The following CEMIP variants were observed in gnomAD, a reference collection of about 807,000 sequenced individuals.
CEMIP encodes the protein cell migration-inducing and hyaluronan-binding protein.
CEMIP carries 105 observed loss-of-function variants against 156.9 expected under a neutral mutation model. That is an observed-to-expected ratio of 0.67 (90% confidence interval 0.57 to 0.79). CEMIP has a LOEUF of 0.79. Ranked by LOEUF, CEMIP falls within the 30% of genes least tolerant of loss-of-function variation. The pLI is 0.00. For synonymous variants in CEMIP, 676 were observed against 668.4 expected, an observed-to-expected ratio of 1.01 and a Z score of -0.17; for missense variants, 1,457 against 1,769.4, an observed-to-expected ratio of 0.82 and a Z score of 3.17.
At chr15:80,878,947 C>G in intron 4 of CEMIP, 80 bp downstream of exon 4, 13 of 1,533,178 alleles carry the variant, frequency 8.5e-6, no homozygotes, top group Non-Finnish European at 1.2e-5. Context: ...TTGCCATGAG[C>G]TCAGATGGAC....
At chr15:80,888,970 C>T (rs1348036047) in intron 9 of CEMIP, among the ~76,000 whole-genome samples, 174 bp downstream of exon 9, 1 of 152,206 alleles carries the variant, frequency 6.6e-6, no homozygotes, top group Non-Finnish European at 1.5e-5. Flanking sequence ...GCCACTTTAG[C>T]CCATAGCCCA....
At chr15:80,836,917 T>C (rs1012540440) in intron 1 of CEMIP, among the ~76,000 whole-genome samples, 5 of 152,210 alleles carry the variant, frequency 3.3e-5, no homozygotes, top group African/African-American at 4.8e-5. Context: ...TCCTAGAAGA[T>C]GTCCTGAGCC....
chr15:80,814,440 T>G (rs1896744912), intron 1 of CEMIP, among the ~76,000 whole-genome samples: 1 of 152,190 alleles, frequency 6.6e-6, no homozygotes, highest in African/African-American at 2.4e-5. Flanking sequence ...CTGCTCCAGC[T>G]AGGGCAGCAC....
intron 1 of CEMIP, among the ~76,000 whole-genome samples, chr15:80,784,376 G>A (rs1035898095): frequency 3.9e-5 from 6 of 152,156 alleles, no homozygotes; most frequent in African/African-American, 1.4e-4. Context: ...GGAGGAGGGA[G>A]GGCCACAGGC....
intron 5 of CEMIP, 110 bp downstream of exon 5, chr15:80,879,964 T>G (rs1898593730): frequency 2.4e-6 from 3 of 1,246,242 alleles, no homozygotes; most frequent in Non-Finnish European, 3.5e-6. Context: ...AAGATAGGAA[T>G]CATTCTGTCC....
chr15:80,895,119 C>T lies in CEMIP; in HGVS notation c.1216C>T (p.Pro406Ser), dbSNP rs1899172062. 6.2e-7 allele frequency: 1 copy of T among 1,614,190 alleles called. No individual in the cohort carries two copies. The highest frequency in any genetic ancestry group is 1.7e-5 in the Admixed American group (1 of 60,036). The change falls in exon 11 of 30, where the codon CCT (proline) becomes TCT (serine). Residue 406 changes from proline to serine, a missense_variant. Physicochemically the swap from Pro to Ser is moderately conservative, Grantham distance 74. Coordinates refer to ENST00000394685, the MANE Select transcript of CEMIP (RefSeq NM_001293298.2). ...SYRVRFLCGK[P>S]VRPKLTVTID... ...CCGTGTACGGTTCCTCTGTGGGAAG[C>T]CTGGTAAGCAGCCCCTTGTCGGGGA...
chr15:80,817,502 G>A (rs1185825638), intron 1 of CEMIP, among the ~76,000 whole-genome samples: 16 of 152,018 alleles, frequency 1.1e-4, no homozygotes, highest in Admixed American at 1.0e-3. Context: ...TCAGGAGGCT[G>A]AGGTGGGAGG....
At chr15:80,799,331 G>A (rs1249447221) in intron 1 of CEMIP, among the ~76,000 whole-genome samples, 1 of 152,226 alleles carries the variant, frequency 6.6e-6, no homozygotes, top group African/African-American at 2.4e-5. Context: ...GTTAGGAGAG[G>A]AAATAGATGG....
intron 1 of CEMIP, among the ~76,000 whole-genome samples, chr15:80,825,132 CAA>C (rs1304887152): frequency 6.6e-6 from 1 of 152,200 alleles, no homozygotes; most frequent in Non-Finnish European, 1.5e-5. Flanking sequence ...GCTGTCATAA[CAA>C]ACTTGTGATG....
At chr15:80,900,662 C>CTGTGTGTGTGTG (rs1188670554) in intron 12 of CEMIP, among the ~76,000 whole-genome samples, 2 of 90,686 alleles carry the variant, frequency 2.2e-5, no homozygotes, top group Non-Finnish European at 4.7e-5. Context: ...GTGTGTGTGT[C>CTGTGTGTGTGTG]TGTGTGTGTG....
intron 1 of CEMIP, among the ~76,000 whole-genome samples, chr15:80,870,007 T>A (rs535271252): frequency 6.6e-6 from 1 of 152,280 alleles, no homozygotes; most frequent in Non-Finnish European, 1.5e-5. Flanking sequence ...TGACCACGGG[T>A]CACAGTGTCT....
At chr15:80,860,414 C>T (rs1052683031) in intron 1 of CEMIP, among the ~76,000 whole-genome samples, 3 of 152,204 alleles carry the variant, frequency 2.0e-5, no homozygotes, top group Non-Finnish European at 4.4e-5. Context: ...AAGTCGGGCC[C>T]ACACAGTCTG....
chr15:80,936,480 G>A (rs1901125152), intron 23 of CEMIP, among the ~76,000 whole-genome samples, 194 bp from the exon 24 acceptor site: 1 of 152,184 alleles, frequency 6.6e-6, no homozygotes, highest in Non-Finnish European at 1.5e-5. Context: ...TACACAGTAA[G>A]GCCTGGGCTG....
chr15:80,792,587 A>T (rs533794139), intron 1 of CEMIP, among the ~76,000 whole-genome samples: 1 of 152,248 alleles, frequency 6.6e-6, no homozygotes, highest in Non-Finnish European at 1.5e-5. Context: ...GATCTTGTAC[A>T]TACTAGGTAT....
intron 13 of CEMIP, among the ~76,000 whole-genome samples, chr15:80,907,797 A>G (rs1450995821): frequency 6.6e-6 from 1 of 152,242 alleles, no homozygotes; most frequent in Non-Finnish European, 1.5e-5. Context: ...ATTGCTTAAG[A>G]TACCCACAAT....
intron 1 of CEMIP, among the ~76,000 whole-genome samples, chr15:80,803,287 C>T (rs17227638): frequency 0.34 from 51,927 of 151,986 alleles, 10,322 homozygotes; most frequent in Non-Finnish European, 0.46. Context: ...CAGCATTTCT[C>T]CCTAGAACAA....
At chr15:80,878,667 C>G in intron 3 of CEMIP, 54 bp from the exon 4 acceptor site, 1 of 1,613,032 alleles carries the variant, frequency 6.2e-7, no homozygotes, top group Non-Finnish European at 8.5e-7. Context: ...CTGTAGCATT[C>G]TTGCTTGGTG....
chr15:80,875,024 T>A (rs1898426085), intron 3 of CEMIP, among the ~76,000 whole-genome samples: 1 of 48,502 alleles, frequency 2.1e-5, no homozygotes, highest in African/African-American at 9.4e-5. Context: ...AAGTAGCATT[T>A]TTTTTTTTTT....
Position 80,937,818 on chromosome 15 carries a change from C to T in CEMIP, c.3246C>T (p.Leu1082=). 6.2e-7 allele frequency: 1 copy of T among 1,614,250 alleles called. No individual in the cohort carries two copies. Among genetic ancestry groups the T allele is most frequent in the Non-Finnish European group, 8.5e-7 (1 of 1,180,044 alleles). The change falls in exon 25 of 30, where the codon CTC becomes CTT. Residue 1082 remains leucine, a synonymous_variant. Transcript: ENST00000394685. ...FNKGDWIRVG[L]CYPRGTTFSI... ...GGGGCGACTGGATCCGAGTGGGGCT[C>T]TGCTACCCGCGAGGCACCACATTCT...
Sources: gnomAD v4.1 joint callset for allele counts (sites outside exome capture counted in the v4.1 genomes callset) on GRCh38, gnomAD v4.1.1 for gene constraint, MANE v1.5 for transcripts, NCBI Gene and HGNC (gene_info 2026-07-23, HGNC 2026-07-21) for gene names.